ADHFE1: variants seen among roughly 807,000 people sequenced by gnomAD.
ADHFE1 encodes the protein alcohol dehydrogenase iron containing 1, also known as hydroxyacid-oxoacid transhydrogenase, mitochondrial.
ADHFE1 carries 37 observed loss-of-function variants against 54.8 expected under a neutral mutation model. That is an observed-to-expected ratio of 0.68 (90% CI 0.52 to 0.89). ADHFE1 has a LOEUF of 0.89. ADHFE1 is among the 40% of genes least tolerant of loss of function. The probability of loss-of-function intolerance (pLI) is 0.00; values close to 1 mark genes in which losing one functional copy is unlikely to be tolerated. For missense variants in ADHFE1, 601 were observed against 591.2 expected (o/e 1.02, Z -0.17); for synonymous variants, 203 against 229.3 (o/e 0.89, Z 1.04).
At chr8:66,452,220 G>T (rs1179562837) in intron 9 of ADHFE1, 115 bp downstream of exon 9, 2 of 1,374,454 alleles carry the variant, frequency 1.5e-6, no homozygotes, top group Admixed American at 2.4e-5. Flanking sequence ...CAGAAAAGCA[G>T]TCAGTGGATG....
chr8:66,435,663 T>G (rs548666861), intron 1 of ADHFE1, among the ~76,000 whole-genome samples: 1 of 137,870 alleles, frequency 7.3e-6, no homozygotes, highest in Admixed American at 8.3e-5. Context: ...TAGGCTGGAG[T>G]GCAGTGATGT....
chr8:66,441,662 A>G lies in ADHFE1; in HGVS notation c.98-1136A>G, dbSNP rs1022832980. 2.6e-5 allele frequency among the ~76,000 whole-genome samples: 4 copies of G among 152,218 alleles called. 1 individual carries two copies. Among genetic ancestry groups the G allele is most frequent in the Non-Finnish European group, 5.9e-5 (4 of 68,034 alleles). On this transcript the variant is annotated intron_variant, in intron 2 of 13. Coordinates refer to ENST00000396623, the MANE Select transcript of ADHFE1 (RefSeq NM_144650.3). ...TATGACAGAAAATCATTTTTACCAT[A>G]ATTAAAACCTAATCCTTTGCAAGGA... is the stretch of plus-strand genomic sequence containing the variant.
chr8:66,432,644 C>T, intron 1 of ADHFE1, 69 bp downstream of exon 1: 1 of 1,253,882 alleles, frequency 8.0e-7, no homozygotes, highest in Non-Finnish European at 1.0e-6. Context: ...GTGTGACCCG[C>T]TCAGATCCTG....
chr8:66,451,824 T>A (rs962577987), intron 8 of ADHFE1, 129 bp from the exon 9 acceptor site: 1 of 1,019,948 alleles, frequency 9.8e-7, no homozygotes. Flanking sequence ...TGTACTGTGA[T>A]CATCAGTGTT....
At chr8:66,456,549 G>A (rs1049922652) in intron 10 of ADHFE1, among the ~76,000 whole-genome samples, 1 of 152,162 alleles carries the variant, frequency 6.6e-6, no homozygotes, top group Admixed American at 6.5e-5. Flanking sequence ...ATGGGTTCAG[G>A]GAGCTACTTC....
intron 1 of ADHFE1, among the ~76,000 whole-genome samples, chr8:66,436,718 A>G (rs966529690): frequency 7.9e-5 from 12 of 152,242 alleles, no homozygotes; most frequent in African/African-American, 2.9e-4. Context: ...ATTTGAGACC[A>G]TGAGACCAGG....
chr8:66,439,049 G>A lies in ADHFE1; in HGVS notation c.60-1113G>A, dbSNP rs1239251880. Among the ~76,000 whole-genome samples, 1 of 142,776 alleles carries A rather than the reference G, an allele frequency of 7.0e-6. No individual in the cohort carries two copies. The highest frequency in any genetic ancestry group is 6.9e-5 in the Admixed American group (1 of 14,564). 93.7% of individuals were successfully genotyped at this position (142,776 alleles called of 152,430 possible). ...CACCGTGAAGGGACAAGCCTGGCCT[G>A]GCCCGCGTCCTCTCCCCCGGCGCGC... On this transcript the variant is annotated intron_variant, in intron 1 of 13. Coordinates refer to ENST00000396623, the MANE Select transcript of ADHFE1 (RefSeq NM_144650.3). The surrounding 1 kb of genome is among the most constrained non-coding windows in gnomAD (Gnocchi z 4.4).
chr8:66,462,064 A>G (rs979742320), intron 13 of ADHFE1, among the ~76,000 whole-genome samples: 2 of 152,088 alleles, frequency 1.3e-5, no homozygotes, highest in African/African-American at 4.8e-5. Flanking sequence ...TGGCTCATCC[A>G]TTTTCCATTG....
rs1261911269 is a variant in ADHFE1 at position 66,440,330 on chromosome 8, C to T, written c.97+131C>T. 15 of 813,146 alleles carry T rather than the reference C, an allele frequency of 1.8e-5. No homozygotes were observed. The Admixed American group carries it at 3.7e-4, about 20-fold the overall frequency. 50.4% of individuals were successfully genotyped at this position (813,146 alleles called of 1,614,324 possible). ...AGGTCCATGAAAACAGTTACCATTT[C>T]ACTGTGAAATTGATAACACGTAACT... is the stretch of plus-strand genomic sequence containing the variant. On this transcript the variant is annotated intron_variant, in intron 2 of 13. Coordinates refer to ENST00000396623, the MANE Select transcript of ADHFE1 (RefSeq NM_144650.3).
intron 2 of ADHFE1, among the ~76,000 whole-genome samples, chr8:66,442,107 A>G (rs1805781042): frequency 6.6e-6 from 1 of 152,184 alleles, no homozygotes; most frequent in Non-Finnish European, 1.5e-5. Flanking sequence ...AAGTTATCAC[A>G]GTTGCTATAA....
chr8:66,448,748 G>GA (rs1376419560), intron 7 of ADHFE1, 117 bp from the exon 8 acceptor site: 1 of 983,216 alleles, frequency 1.0e-6, no homozygotes, highest in Non-Finnish European at 1.5e-6. Flanking sequence ...CTCACTACAT[G>GA]AAAATGAACC....
chr8:66,452,147 A>T (rs1437718150), intron 9 of ADHFE1, 42 bp downstream of exon 9: 1 of 1,603,278 alleles, frequency 6.2e-7, no homozygotes, highest in Non-Finnish European at 8.5e-7. Context: ...CAGGAGGCCC[A>T]CATTCTGCCA....
In ADHFE1 at chr8:66,468,455, T is replaced by TATACTGGTAACAGGTAA; in HGVS notation, c.*103_*104insATACTGGTAACAGGTAA. ...TTTTCATCTTTGCGCATAACTTACC[T>TATACTGGTAACAGGTAA]GTTACCAGTATAGGTGGGATATACA... On this transcript the variant is annotated 3_prime_UTR_variant, in exon 14 of 14. Coordinates refer to ENST00000396623, the MANE Select transcript of ADHFE1 (RefSeq NM_144650.3). 1.2e-6 allele frequency: 1 copy of TATACTGGTAACAGGTAA among 867,280 alleles called. No individual in the cohort carries two copies. The highest frequency in any genetic ancestry group is 1.7e-6 in the Non-Finnish European group (1 of 577,444). 53.7% of individuals were successfully genotyped at this position (867,280 alleles called of 1,614,324 possible). A position where few individuals can be genotyped will look rare whatever the true frequency, so the allele number is the denominator to read the frequency against.
At chr8:66,448,115 A>G (rs551869795) in intron 7 of ADHFE1, among the ~76,000 whole-genome samples, 22 of 152,222 alleles carry the variant, frequency 1.4e-4, no homozygotes, top group Admixed American at 7.2e-4. Context: ...CTTCTTAGTC[A>G]TTTTTATGCC....
At chr8:66,460,613 C>A in intron 13 of ADHFE1, 148 bp downstream of exon 13, 1 of 934,260 alleles carries the variant, frequency 1.1e-6, no homozygotes, top group Non-Finnish European at 1.5e-6. Context: ...CAGTTCTGTC[C>A]TTTCCTGGTG....
At chr8:66,464,873 T>A (rs916169656) in intron 13 of ADHFE1, among the ~76,000 whole-genome samples, 1 of 152,170 alleles carries the variant, frequency 6.6e-6, no homozygotes, top group Non-Finnish European at 1.5e-5. Flanking sequence ...TTCCCCGTTC[T>A]CCCCTTCTCA....
rs200761663 is a variant in ADHFE1 at position 66,451,994 on chromosome 8, G to A, written c.776G>A (p.Arg259Gln). 46 of 1,614,096 alleles carry A rather than the reference G, an allele frequency of 2.8e-5. No homozygotes were observed. The highest frequency in any genetic ancestry group is 1.2e-4 in the Admixed American group (7 of 60,006). Residue 259 changes from arginine (R) to glutamine (Q), a missense_variant, in exon 9 of 14, where the codon CGG (arginine) becomes CAG (glutamine). Arg to Gln is a conservative substitution (Grantham distance 43). Coordinates refer to ENST00000396623, the MANE Select transcript of ADHFE1 (RefSeq NM_144650.3). ...ESYTTLPYHL[R>Q]SPCPSNPITR... is the part of the protein sequence containing the mutation. ...TACACCACCCTGCCCTACCACCTGC[G>A]GAGCCCCTGCCCTTCAAATCCCATC...
chr8:66,456,845 T>A lies in ADHFE1; in HGVS notation c.1015T>A (p.Leu339Ile). 4 of 1,609,012 alleles carry A rather than the reference T, an allele frequency of 2.5e-6. No individual in the cohort carries two copies. Among genetic ancestry groups the A allele is most frequent in the Non-Finnish European group, 3.4e-6 (4 of 1,177,838 alleles). Residue 339 changes from leucine (L) to isoleucine (I), a missense_variant, in exon 11 of 14, where the codon TTA becomes ATA. Leu to Ile is a conservative substitution (Grantham distance 5). Transcript: ENST00000396623. ...TGGAATGTCTTACCCAATTTCAGGT[T>A]TAGTGAAGATGTATAAAGCAAAGGA... is the stretch of plus-strand genomic sequence containing the variant. ...CHGMSYPISG[L>I]VKMYKAKDYN...
chr8:66,442,065 T>C (rs1805777182), intron 2 of ADHFE1, among the ~76,000 whole-genome samples: 1 of 152,130 alleles, frequency 6.6e-6, no homozygotes, highest in Non-Finnish European at 1.5e-5. Context: ...TGTGATAAGT[T>C]ATCCCTATGA....
Sources: gnomAD v4.1 joint callset for allele counts (sites outside exome capture counted in the v4.1 genomes callset) on GRCh38, gnomAD v4.1.1 for gene constraint, Gnocchi (gnomAD v3.1) non-coding constraint, MANE v1.5 for transcripts, NCBI Gene and HGNC (gene_info 2026-07-23, HGNC 2026-07-21) for gene names.